The following GRAMD1C variants were observed in gnomAD, a reference collection of about 807,000 sequenced individuals.
The protein encoded by GRAMD1C is GRAM domain containing 1C.
A neutral mutation model predicts 97.8 loss-of-function variants in GRAMD1C; 89 were observed. The observed-to-expected ratio is 0.91, with a 90% confidence interval of 0.77 to 1.09. The LOEUF (loss-of-function observed/expected upper bound fraction) is 1.09. Ranked by LOEUF, GRAMD1C falls within the 50% of genes least tolerant of loss-of-function variation. The pLI is 0.00. For missense variants in GRAMD1C, 740 were observed against 766.4 expected (o/e 0.97, Z 0.41); for synonymous variants, 256 against 267.0 (o/e 0.96, Z 0.40).
chr3:113,920,237 C>G, intron 10 of GRAMD1C: 3 of 999,894 alleles, frequency 3.0e-6, no homozygotes, highest in South Asian at 3.1e-5. Flanking sequence ...GCAACAAATT[C>G]CTGTAACCAT....
At chr3:113,914,274 G>A (rs1188041500) in intron 9 of GRAMD1C, among the ~76,000 whole-genome samples, 1 of 152,202 alleles carries the variant, frequency 6.6e-6, no homozygotes, top group Non-Finnish European at 1.5e-5. Flanking sequence ...TGAAACTGCA[G>A]TAAAGAGTTT....
chr3:113,849,326 T>C (rs1186573593), intron 2 of GRAMD1C, among the ~76,000 whole-genome samples: 1 of 151,318 alleles, frequency 6.6e-6, no homozygotes. Flanking sequence ...TGATCATTCT[T>C]GGGTGTTTCT....
intron 17 of GRAMD1C, among the ~76,000 whole-genome samples, chr3:113,943,535 A>G (rs1411956547): frequency 6.6e-6 from 1 of 152,176 alleles, no homozygotes; most frequent in East Asian, 1.9e-4. Flanking sequence ...TGGACATGTT[A>G]TATACATGGA....
At chr3:113,830,850 G>A (rs1709548429) in intron 1 of GRAMD1C, among the ~76,000 whole-genome samples, 1 of 152,188 alleles carries the variant, frequency 6.6e-6, no homozygotes, top group South Asian at 2.1e-4. Context: ...CGTAATCCCA[G>A]CACTTTGGGA....
At chr3:113,872,391 CTTT>C (rs777339692) in intron 3 of GRAMD1C, among the ~76,000 whole-genome samples, 4 of 117,436 alleles carry the variant, frequency 3.4e-5, no homozygotes, top group South Asian at 5.6e-4. Context: ...TCTTTTTTTT[CTTT>C]TTTTTTTTTT....
At chr3:113,864,618 T>C (rs1934513260) in intron 2 of GRAMD1C, among the ~76,000 whole-genome samples, 1 of 152,188 alleles carries the variant, frequency 6.6e-6, no homozygotes, top group Non-Finnish European at 1.5e-5. Context: ...CTATTTTATA[T>C]AATGACCTTT....
intron 10 of GRAMD1C, among the ~76,000 whole-genome samples, chr3:113,921,189 G>A (rs11717731): frequency 1.3e-5 from 2 of 151,958 alleles, no homozygotes; most frequent in Non-Finnish European, 2.9e-5. Flanking sequence ...GCAGTAGTTC[G>A]CTCAGGATAA....
chr3:113,917,786 G>A (rs945361271), intron 10 of GRAMD1C, among the ~76,000 whole-genome samples: 2 of 149,226 alleles, frequency 1.3e-5, no homozygotes, highest in Non-Finnish European at 3.0e-5. Context: ...TCCGCCTCCT[G>A]GGCTCAAGCG....
At position 113,933,561 on chromosome 3, in the gene GRAMD1C, A is replaced by G. The variant is rs1239216544; in HGVS notation, c.1260A>G (p.Glu420=). ...REARFYLVDS[E]VLTHDVPYHD... ...CACGATTTTATTTGGTAGATTCAGA[A>G]GTACTGACACATGATGTCCCCTACC... Residue 420 remains glutamate, a synonymous_variant, in exon 12 of 18, where the codon GAA becomes GAG. Transcript: ENST00000358160. The G allele has an allele frequency of 1.9e-6, 3 of 1,606,488 alleles. No individual in the cohort carries two copies. In the African/African-American group the frequency reaches 4.0e-5, roughly 21 times the overall value.
chr3:113,836,233 C>T (rs1211756964), upstream of GRAMD1C, among the ~76,000 whole-genome samples: 1 of 152,134 alleles, frequency 6.6e-6, no homozygotes, highest in Non-Finnish European at 1.5e-5. Flanking sequence ...CACTGCACTC[C>T]AGTCTGGGGG....
intron 1 of GRAMD1C, among the ~76,000 whole-genome samples, chr3:113,829,267 C>A (rs1439815994): frequency 6.8e-6 from 1 of 147,702 alleles, no homozygotes; most frequent in Non-Finnish European, 1.5e-5. Context: ...ACAAAACAAA[C>A]AAACAAACAA....
chr3:113,883,566 A>G (rs886942450), intron 6 of GRAMD1C, among the ~76,000 whole-genome samples: 2 of 151,854 alleles, frequency 1.3e-5, no homozygotes, highest in African/African-American at 4.8e-5. Flanking sequence ...TATCCATCTT[A>G]TATGCTGTAT....
intron 1 of GRAMD1C, among the ~76,000 whole-genome samples, chr3:113,833,333 T>G (rs1192227695): frequency 1.3e-5 from 2 of 151,972 alleles, no homozygotes. Flanking sequence ...AGATGGGGTT[T>G]CTCCATGTTG....
intron 11 of GRAMD1C, among the ~76,000 whole-genome samples, chr3:113,932,095 A>T (rs1937452869): frequency 6.6e-6 from 1 of 152,206 alleles, no homozygotes; most frequent in African/African-American, 2.4e-5. Context: ...AATGCTCTTT[A>T]TCTGTGACCA....
In GRAMD1C at chr3:113,839,421, A is replaced by G. The variant is rs1285834971; in HGVS notation, c.27+485A>G. ...GACAAAACGGAAAGCGTGCTTATTAATATTCAGGATGAAACCCCGCTTTTG... is the reference window on the plus strand; with the variant it reads ...GACAAAACGGAAAGCGTGCTTATTAGTATTCAGGATGAAACCCCGCTTTTG... On this transcript the variant is annotated intron_variant, in intron 1 of 17. Transcript: ENST00000358160. 3.3e-5 allele frequency among the ~76,000 whole-genome samples: 5 copies of G among 152,128 alleles called. No individual in the cohort carries two copies. In the South Asian group the frequency reaches 8.3e-4, roughly 25 times the overall value.
In GRAMD1C at chr3:113,841,285, C is replaced by T. The variant is rs115568397; in HGVS notation, c.27+2349C>T. 1.9e-3 allele frequency among the ~76,000 whole-genome samples: 183 copies of T among 94,340 alleles called. 1 individual carries two copies. The highest frequency in any genetic ancestry group is 5.8e-3 in the African/African-American group (149 of 25,866). The allele number at this position is 94,340 out of a possible 152,430, so 61.9% of individuals were successfully genotyped here. On this transcript the variant is annotated intron_variant, in intron 1 of 17. Coordinates refer to ENST00000358160, the MANE Select transcript of GRAMD1C (RefSeq NM_017577.5). The stretch of plus-strand genomic sequence containing the variant: ...TCACAAAGTACTTCTTTCTTTCTTT[C>T]TTTTTTTTTTTTTTTTGCGAGACAG...
intron 3 of GRAMD1C, among the ~76,000 whole-genome samples, chr3:113,875,219 A>T (rs192505858): frequency 1.3e-5 from 2 of 151,766 alleles, no homozygotes; most frequent in African/African-American, 4.8e-5. Flanking sequence ...AGCTTTCTCT[A>T]CACTTGGGTC....
chr3:113,897,462 T>G (rs1935988994), intron 6 of GRAMD1C: 1 of 911,624 alleles, frequency 1.1e-6, no homozygotes, highest in Non-Finnish European at 1.3e-6. Context: ...AGGAGTGGCT[T>G]AGGAACCTGT....
Position 113,838,950 on chromosome 3 carries a change from C to G in GRAMD1C, c.27+14C>G, listed in dbSNP as rs1449104265. 1.6e-6 allele frequency: 2 copies of G among 1,239,366 alleles called. No individual in the cohort carries two copies. Among genetic ancestry groups the G allele is most frequent in the African/African-American group, 1.5e-5 (1 of 64,908 alleles). 76.8% of individuals were successfully genotyped at this position (1,239,366 alleles called of 1,614,324 possible). A position where few individuals can be genotyped will look rare whatever the true frequency, so the allele number is the denominator to read the frequency against. ...ACTGTCCGTCAGGTAAGCCGCGGGC[C>G]TCGCTGGGGCAGGTTCCCATCTGTG... On this transcript the variant is annotated intron_variant, in intron 1 of 17. Coordinates refer to ENST00000358160, the MANE Select transcript of GRAMD1C (RefSeq NM_017577.5).
Sources: allele counts gnomAD v4.1 joint callset (sites outside exome capture counted in the v4.1 genomes callset), GRCh38; gene constraint gnomAD v4.1.1; transcripts MANE v1.5; gene names NCBI Gene and HGNC (gene_info 2026-07-23, HGNC 2026-07-21).